The following GLRA2 variants were observed in gnomAD, a reference collection of about 807,000 sequenced individuals.
GLRA2 encodes the protein glycine receptor alpha 2, also known as glycine receptor subunit alpha-2.
A neutral mutation model predicts 31.6 loss-of-function variants in GLRA2; 11 were observed. That is an observed-to-expected ratio of 0.35 (90% CI 0.22 to 0.58). The LOEUF is 0.58. Ranked by LOEUF, GLRA2 falls within the 20% of genes least tolerant of loss-of-function variation. GLRA2 has a pLI of 0.84. For missense variants in GLRA2, 212 were observed against 351.8 expected, an observed-to-expected ratio of 0.60 and a Z score of 3.18; for synonymous variants, 132 against 134.0, an observed-to-expected ratio of 0.99 and a Z score of 0.10.
intron 8 of GLRA2, among the ~76,000 whole-genome samples, chrX:14,720,851 G>C (rs2091855349): frequency 9.0e-6 from 1 of 110,983 alleles, no homozygotes; most frequent in Non-Finnish European, 1.9e-5. Context: ...TGGGGGCAGG[G>C]CTGGGCATGT....
At chrX:14,582,510 C>A (rs1343319418) in intron 4 of GLRA2, among the ~76,000 whole-genome samples, 1 of 110,510 alleles carries the variant, frequency 9.0e-6, no homozygotes, top group East Asian at 2.8e-4. Flanking sequence ...TATCTAATAG[C>A]AGTTTATCTG....
chrX:14,519,011 CAAAAAAAAAAA>C, the GLRA2 span, among the ~76,000 whole-genome samples: 1 of 27,260 alleles, frequency 3.7e-5, no homozygotes, highest in South Asian at 2.0e-3. Flanking sequence ...GACTCGGTCT[CAAAAAAAAAAA>C]AAAAAAAAAA....
chrX:14,466,058 T>C, the GLRA2 span, among the ~76,000 whole-genome samples: 4 of 111,993 alleles, frequency 3.6e-5, no homozygotes, highest in African/African-American at 1.3e-4. Flanking sequence ...GATTTTATTC[T>C]ATGCTAGACA....
chrX:14,463,123 G>A, the GLRA2 span, among the ~76,000 whole-genome samples: 1 of 111,495 alleles, frequency 9.0e-6, no homozygotes, highest in Admixed American at 9.5e-5. Context: ...CAGGTCTGTT[G>A]GAGTTTGCTG....
intron 7 of GLRA2, among the ~76,000 whole-genome samples, chrX:14,654,834 C>T (rs2090924236): frequency 9.0e-6 from 1 of 111,718 alleles, no homozygotes; most frequent in African/African-American, 3.3e-5. Flanking sequence ...GGAGGCCTCA[C>T]AATCATGGTA....
At chrX:14,535,969 T>C in intron 2 of GLRA2, among the ~76,000 whole-genome samples, 1 of 112,459 alleles carries the variant, frequency 8.9e-6, no homozygotes, top group South Asian at 3.6e-4. Context: ...CGTTACATCC[T>C]AGTTTTCATC....
intron 7 of GLRA2, among the ~76,000 whole-genome samples, chrX:14,626,484 C>A (rs62586495): frequency 0.23 from 25,933 of 110,887 alleles, 2,276 homozygotes; most frequent in Middle Eastern, 0.27. Flanking sequence ...ATTAGGAATA[C>A]TTTATAATGG....
the GLRA2 span, among the ~76,000 whole-genome samples, chrX:14,518,785 C>T: frequency 0.064 from 6,811 of 106,564 alleles, 224 homozygotes; most frequent in Non-Finnish European, 0.096. Flanking sequence ...CCACGGCGGA[C>T]CGATCACGAG....
intron 8 of GLRA2, 148 bp downstream of exon 8, chrX:14,691,007 C>G: frequency 2.0e-6 from 1 of 510,200 alleles, no homozygotes; most frequent in Non-Finnish European, 3.1e-6. Context: ...TAGTGCTCAG[C>G]TTAGGCCTTT....
chrX:14,514,742 C>T, the GLRA2 span, among the ~76,000 whole-genome samples: 1 of 110,889 alleles, frequency 9.0e-6, no homozygotes, highest in Non-Finnish European at 1.9e-5. Flanking sequence ...TCAGGAGGCC[C>T]CTTCAACTTT....
At chrX:14,503,520 C>T in the GLRA2 span, among the ~76,000 whole-genome samples, 1 of 111,639 alleles carries the variant, frequency 9.0e-6, no homozygotes, top group Non-Finnish European at 1.9e-5. Context: ...TTGCACTTGA[C>T]TTGATATGGA....
chrX:14,616,210 G>A (rs1365308347), intron 7 of GLRA2, among the ~76,000 whole-genome samples: 1 of 111,859 alleles, frequency 8.9e-6, no homozygotes, highest in Non-Finnish European at 1.9e-5. Flanking sequence ...TTTACTCCAT[G>A]TTTGTTATCA....
chrX:14,620,191 G>T (rs961371075), intron 7 of GLRA2, among the ~76,000 whole-genome samples: 5 of 108,910 alleles, frequency 4.6e-5, no homozygotes, highest in Non-Finnish European at 9.5e-5. Context: ...ATAAAATAGT[G>T]GTTTAGATAA....
At chrX:14,468,955 A>G in the GLRA2 span, among the ~76,000 whole-genome samples, 2 of 110,411 alleles carry the variant, frequency 1.8e-5, no homozygotes, top group African/African-American at 3.3e-5. Context: ...TGGCTGCATA[A>G]ATGTCTTCTT....
At chrX:14,550,295 C>A (rs1601701535) in intron 2 of GLRA2, among the ~76,000 whole-genome samples, 1 of 102,404 alleles carries the variant, frequency 9.8e-6, no homozygotes, top group African/African-American at 3.6e-5. Context: ...GAGAAGGGTA[C>A]ATTTGTAGAA....
chrX:14,591,921 G>A (rs2090149665), intron 4 of GLRA2, among the ~76,000 whole-genome samples: 1 of 111,486 alleles, frequency 9.0e-6, no homozygotes, highest in African/African-American at 3.3e-5. Context: ...ATGGTACAAA[G>A]AACAGAATAT....
intron 7 of GLRA2, among the ~76,000 whole-genome samples, chrX:14,650,102 G>A (rs949724480): frequency 9.0e-6 from 1 of 111,485 alleles, no homozygotes; most frequent in African/African-American, 3.3e-5. Context: ...ACATTGGTGC[G>A]AGGAAAACAA....
chrX:14,693,031 T>G (rs1286644903), intron 8 of GLRA2, among the ~76,000 whole-genome samples: 1 of 98,300 alleles, frequency 1.0e-5, no homozygotes, highest in Non-Finnish European at 2.1e-5. Context: ...ACCCTAAAAC[T>G]TAAAGTATAA....
At chrX:14,465,132 G>A in the GLRA2 span, among the ~76,000 whole-genome samples, 3 of 111,894 alleles carry the variant, frequency 2.7e-5, no homozygotes, top group Non-Finnish European at 5.6e-5. Context: ...TGATCCATGA[G>A]CATGAATGTC....
Sources: gnomAD v4.1 joint callset for allele counts (sites outside exome capture counted in the v4.1 genomes callset) on GRCh38, gnomAD v4.1.1 for gene constraint, MANE v1.5 for transcripts, NCBI Gene and HGNC (gene_info 2026-07-23, HGNC 2026-07-21) for gene names.